The following TG variants were observed in gnomAD, a reference collection of about 807,000 sequenced individuals.
The protein encoded by TG is thyroid hormones.
A neutral mutation model predicts 324.7 loss-of-function variants in TG; 270 were observed. That is an observed-to-expected ratio of 0.83 (90% confidence interval 0.75 to 0.92). The LOEUF (loss-of-function observed/expected upper bound fraction) is 0.92, where lower values mean the gene tolerates loss of function less well. TG is among the 40% of genes least tolerant of loss of function. The pLI, the probability that TG is intolerant of heterozygous loss-of-function variation, is 0.00. For synonymous variants in TG, 1,401 were observed against 1,327.0 expected, an observed-to-expected ratio of 1.06 and a Z score of -1.21; for missense variants, 3,591 against 3,456.4, an observed-to-expected ratio of 1.04 and a Z score of -0.98.
intron 35 of TG, among the ~76,000 whole-genome samples, chr8:133,003,684 G>A (rs1833770852): frequency 6.6e-6 from 1 of 152,224 alleles, no homozygotes; most frequent in South Asian, 2.1e-4. Flanking sequence ...AGGCCCGCCT[G>A]TGCAGAGACT....
At chr8:133,029,772 C>A in intron 40 of TG, 49 bp from the exon 41 acceptor site, 1 of 1,611,628 alleles carries the variant, frequency 6.2e-7, no homozygotes, top group South Asian at 1.1e-5. Flanking sequence ...ATTTTCAAAT[C>A]CAAGGTTGTA....
At position 133,116,757 on chromosome 8, in the gene TG, G is replaced by A. The variant is rs115496654; in HGVS notation, c.7862+41G>A. ...GAAGCAGAGAAAGGAAGGTAAAACC[G>A]AATGATAAGTCCCAGTTCGATGACA... On this transcript the variant is annotated intron_variant, in intron 45 of 47. Coordinates refer to ENST00000220616, the MANE Select transcript of TG (RefSeq NM_003235.5). 1.5e-3 allele frequency: 2,369 copies of A among 1,543,552 alleles called. 26 individuals are homozygous for A. The African/African-American group carries it at 0.027, about 18-fold the overall frequency.
intron 35 of TG, among the ~76,000 whole-genome samples, chr8:133,000,171 T>C (rs1307163341): frequency 6.6e-6 from 1 of 152,200 alleles, no homozygotes; most frequent in Non-Finnish European, 1.5e-5. Flanking sequence ...AGTATGGCTG[T>C]GCCAAGCAGT....
chr8:132,966,519 A>G, intron 29 of TG, 41 bp from the exon 30 acceptor site: 1 of 1,612,888 alleles, frequency 6.2e-7, no homozygotes, highest in South Asian at 1.1e-5. Context: ...TATTCACTAG[A>G]GTTAAAGGTG....
chr8:132,960,507 C>T (rs979844605), intron 27 of TG, among the ~76,000 whole-genome samples: 4 of 152,302 alleles, frequency 2.6e-5, no homozygotes, highest in East Asian at 1.9e-4. Flanking sequence ...AAAGGAAAAT[C>T]GGATAATATT....
chr8:132,983,317 A>T (rs1192398501), intron 34 of TG, 33 bp from the exon 35 acceptor site: 2 of 1,611,456 alleles, frequency 1.2e-6, no homozygotes, highest in Non-Finnish European at 1.7e-6. Context: ...ATGGGGGTAG[A>T]AAAGAACTGA....
At chr8:132,909,243 A>C (rs988863897) in intron 18 of TG, among the ~76,000 whole-genome samples, 1 of 152,176 alleles carries the variant, frequency 6.6e-6, no homozygotes, top group African/African-American at 2.4e-5. Context: ...GCAGTGCAGA[A>C]CATGAGAAGC....
intron 43 of TG, among the ~76,000 whole-genome samples, chr8:133,104,964 C>T (rs1486669505): frequency 6.6e-6 from 1 of 152,152 alleles, no homozygotes; most frequent in Non-Finnish European, 1.5e-5. Flanking sequence ...ATCCTCAGTT[C>T]CTACTAGGTT....
chr8:132,881,411 C>T (rs910982421), intron 5 of TG, among the ~76,000 whole-genome samples: 11 of 151,932 alleles, frequency 7.2e-5, no homozygotes, highest in African/African-American at 2.2e-4. Context: ...TTTGAAAAGT[C>T]GTAAAGGGGC....
intron 43 of TG, among the ~76,000 whole-genome samples, chr8:133,107,402 T>C (rs1229059284): frequency 5.9e-5 from 9 of 152,222 alleles, no homozygotes; most frequent in Non-Finnish European, 7.3e-5. Flanking sequence ...GGCCAGTTCA[T>C]GACAGCCCTT....
chr8:132,901,570 TG>T lies in TG; in HGVS notation c.3634+23del. On this transcript the variant is annotated intron_variant, in intron 16 of 47. Coordinates refer to ENST00000220616, the MANE Select transcript of TG (RefSeq NM_003235.5). ...CCTGTGAGAGTAAGTCATGACCCCC[TG>T]GGGGGACGACGAGGCCTGCATATCT... 2 of 1,608,004 alleles carry T rather than the reference TG, an allele frequency of 1.2e-6. No individual in the cohort carries two copies. The highest frequency in any genetic ancestry group is 2.2e-5 in the East Asian group (1 of 44,764).
chr8:132,873,003 G>T, intron 4 of TG, 59 bp from the exon 5 acceptor site: 6 of 1,589,222 alleles, frequency 3.8e-6, no homozygotes, highest in South Asian at 3.4e-5. Flanking sequence ...TATGCTGCTC[G>T]ACTGCAGAAA....
chr8:132,890,588 A>G (rs1251921666), intron 10 of TG, among the ~76,000 whole-genome samples: 1 of 152,200 alleles, frequency 6.6e-6, no homozygotes, highest in Non-Finnish European at 1.5e-5. Flanking sequence ...GCTGTCTTGT[A>G]CCATGGTTCT....
chr8:132,988,792 G>C, intron 35 of TG: 1 of 985,412 alleles, frequency 1.0e-6, no homozygotes, highest in Non-Finnish European at 1.2e-6. Flanking sequence ...TGTGATCGTC[G>C]CACCCCTTCC....
chr8:132,932,229 T>G (rs1230315331), intron 23 of TG, among the ~76,000 whole-genome samples: 1 of 152,192 alleles, frequency 6.6e-6, no homozygotes, highest in African/African-American at 2.4e-5. Context: ...AATGCTGAGA[T>G]GAAAATCAGG....
chr8:133,023,352 G>A (rs908764521), intron 40 of TG, among the ~76,000 whole-genome samples: 4 of 152,026 alleles, frequency 2.6e-5, no homozygotes, highest in African/African-American at 4.8e-5. Context: ...ATCCAAGGAC[G>A]GATATAACTT....
At chr8:132,898,280 C>T in intron 13 of TG, 34 bp downstream of exon 13, 5 of 1,556,536 alleles carry the variant, frequency 3.2e-6, no homozygotes, top group Non-Finnish European at 3.5e-6. Flanking sequence ...CCTCCTGACC[C>T]CCCTTGGTGG....
intron 41 of TG, among the ~76,000 whole-genome samples, chr8:133,085,693 A>G (rs1846421442): frequency 6.6e-6 from 1 of 152,244 alleles, no homozygotes; most frequent in Non-Finnish European, 1.5e-5. Context: ...TGCCTATAAT[A>G]ATAACAATTT....
intron 10 of TG, among the ~76,000 whole-genome samples, chr8:132,893,060 G>A (rs1036430082): frequency 6.7e-6 from 1 of 149,564 alleles, no homozygotes; most frequent in African/African-American, 2.5e-5. Flanking sequence ...CTTGAGTGGT[G>A]TGTGTATGTG....
Sources: allele counts gnomAD v4.1 joint callset (sites outside exome capture counted in the v4.1 genomes callset), GRCh38; gene constraint gnomAD v4.1.1; transcripts MANE v1.5; gene names NCBI Gene and HGNC (gene_info 2026-07-23, HGNC 2026-07-21).